The following ZFAND6 variants were observed in gnomAD, a reference collection of about 807,000 sequenced individuals.
ZFAND6 encodes AN1-type zinc finger protein 6.
Under a neutral mutation model 24.5 loss-of-function variants are expected in ZFAND6, and 12 were observed. The observed-to-expected ratio is 0.49, with a 90% CI of 0.31 to 0.79. The LOEUF is 0.79. Ranked by LOEUF, ZFAND6 falls within the 30% of genes least tolerant of loss-of-function variation. The pLI, the probability that ZFAND6 is intolerant of heterozygous loss-of-function variation, is 0.04. For synonymous variants in ZFAND6, 92 were observed against 81.5 expected, an observed-to-expected ratio of 1.13 and a Z score of -0.69; for missense variants, 207 against 245.9, an observed-to-expected ratio of 0.84 and a Z score of 1.06.
chr15:80,069,042 A>C (rs2036825367), intron 1 of ZFAND6, among the ~76,000 whole-genome samples: 1 of 152,238 alleles, frequency 6.6e-6, no homozygotes, highest in Non-Finnish European at 1.5e-5. Flanking sequence ...TGACTGATTA[A>C]AATGGTTGAG....
At chr15:80,071,046 C>T (rs1054303000) in intron 1 of ZFAND6, among the ~76,000 whole-genome samples, 3 of 152,156 alleles carry the variant, frequency 2.0e-5, no homozygotes, top group Non-Finnish European at 4.4e-5. Context: ...TGAATTGGCT[C>T]TTTCAATTTG....
At chr15:80,068,240 C>T (rs1315699560) in intron 1 of ZFAND6, among the ~76,000 whole-genome samples, 1 of 151,728 alleles carries the variant, frequency 6.6e-6, no homozygotes, top group Non-Finnish European at 1.5e-5. Flanking sequence ...CTCAACCTCC[C>T]TGGCTCAAGG....
chr15:80,123,508 C>T (rs2040237667), intron 5 of ZFAND6, among the ~76,000 whole-genome samples: 1 of 152,182 alleles, frequency 6.6e-6, no homozygotes, highest in South Asian at 2.1e-4. Context: ...AGCAGTGTGT[C>T]ATTCTGCCTG....
At chr15:80,092,911 C>T (rs1015875080) in intron 1 of ZFAND6, among the ~76,000 whole-genome samples, 2 of 151,634 alleles carry the variant, frequency 1.3e-5, no homozygotes, top group Admixed American at 1.3e-4. Flanking sequence ...ACCCAATTTA[C>T]TGTAAGTTAA....
At chr15:80,089,258 T>TG (rs2038192160) in intron 1 of ZFAND6, among the ~76,000 whole-genome samples, 2 of 112,890 alleles carry the variant, frequency 1.8e-5, no homozygotes, top group Non-Finnish European at 3.8e-5. Flanking sequence ...TGAGTGTGTG[T>TG]GTTTTTTTTT....
intron 2 of ZFAND6, chr15:80,112,958 AC>A (rs1385765227): frequency 1.4e-5 from 6 of 432,670 alleles, no homozygotes; most frequent in African/African-American, 1.2e-4. Flanking sequence ...AAGAGAATTC[AC>A]CCATTCTGAG....
At chr15:80,059,982 C>T (rs2036232648) in intron 1 of ZFAND6, among the ~76,000 whole-genome samples, 173 bp downstream of exon 1, 2 of 151,070 alleles carry the variant, frequency 1.3e-5, no homozygotes, top group Non-Finnish European at 3.0e-5. Context: ...CCCGCGGGGG[C>T]CGCGGGCGAG....
At position 80,122,764 on chromosome 15, in the gene ZFAND6, G is replaced by A. The variant is rs1290619098; in HGVS notation, c.328G>A (p.Val110Met). Reference sequence around the variant, plus strand: ...ATCTTCTCAATTGGACAGTACATCTGTGGACAAAGCAGTACCTGAAACAGA... The same window carrying A: ...ATCTTCTCAATTGGACAGTACATCTATGGACAAAGCAGTACCTGAAACAGA... ...VASSQLDSTS[V>M]DKAVPETEDV... Residue 110 changes from valine to methionine, a missense_variant, in exon 5 of 7, where the codon GTG becomes ATG. Transcript: ENST00000261749. The A allele has an allele frequency of 6.2e-7, 1 of 1,613,596 alleles. No individual in the cohort carries two copies. The highest frequency in any genetic ancestry group is 2.2e-5 in the East Asian group (1 of 44,800).
intron 1 of ZFAND6, among the ~76,000 whole-genome samples, chr15:80,096,999 ATT>A (rs766620204): frequency 1.2e-4 from 16 of 138,700 alleles, no homozygotes; most frequent in African/African-American, 8.0e-5. Context: ...AATGTGTTAG[ATT>A]TTTTTTTTTT....
intron 1 of ZFAND6, among the ~76,000 whole-genome samples, chr15:80,089,657 CACTTGTATAG>C (rs1009591841): frequency 2.0e-5 from 3 of 152,152 alleles, no homozygotes; most frequent in African/African-American, 7.2e-5. Context: ...GATTGATGAT[CACTTGTATAG>C]ACTCCATTGC....
intron 1 of ZFAND6, among the ~76,000 whole-genome samples, chr15:80,093,972 C>T (rs2141911545): frequency 6.6e-6 from 1 of 151,650 alleles, no homozygotes; most frequent in East Asian, 1.9e-4. Flanking sequence ...TGTCATTTGG[C>T]ACTTACATTT....
At chr15:80,117,604 G>C (rs962869949) in intron 2 of ZFAND6, among the ~76,000 whole-genome samples, 2 of 152,180 alleles carry the variant, frequency 1.3e-5, no homozygotes, top group African/African-American at 2.4e-5. Context: ...AGTTCAGTCA[G>C]CTCACAACTC....
intron 1 of ZFAND6, among the ~76,000 whole-genome samples, chr15:80,096,519 T>G (rs1305357377): frequency 6.6e-6 from 1 of 152,238 alleles, no homozygotes; most frequent in African/African-American, 2.4e-5. Flanking sequence ...AGAGAAACAT[T>G]TGAGTTACTT....
chr15:80,091,616 A>G (rs2038378314), intron 1 of ZFAND6, among the ~76,000 whole-genome samples: 1 of 148,984 alleles, frequency 6.7e-6, no homozygotes, highest in South Asian at 2.2e-4. Flanking sequence ...ACAGATACAA[A>G]TTTTTAATAT....
intron 1 of ZFAND6, among the ~76,000 whole-genome samples, 168 bp downstream of exon 1, chr15:80,059,977 G>C (rs1347771478): frequency 6.6e-6 from 1 of 150,888 alleles, no homozygotes; most frequent in Non-Finnish European, 1.5e-5. Context: ...GTGGGCCCGC[G>C]GGGGCCGCGG....
At chr15:80,101,729 A>T (rs978938332) in intron 2 of ZFAND6, among the ~76,000 whole-genome samples, 7 of 152,056 alleles carry the variant, frequency 4.6e-5, no homozygotes, top group Non-Finnish European at 1.0e-4. Context: ...AGGAAGCAAA[A>T]AATATTTCTT....
chr15:80,073,412 A>G (rs2037087673), intron 1 of ZFAND6: 1 of 214,016 alleles, frequency 4.7e-6, no homozygotes, highest in South Asian at 5.0e-5. Context: ...GTATTTCAGT[A>G]CAAGAATATT....
intron 1 of ZFAND6, chr15:80,060,221 C>T (rs540612829): frequency 1.3e-5 from 2 of 152,180 alleles, no homozygotes; most frequent in South Asian, 2.1e-4. Flanking sequence ...TGGGGCGCGT[C>T]AGTTCCCCGC....
intron 2 of ZFAND6, among the ~76,000 whole-genome samples, chr15:80,118,669 T>C (rs1032563307): frequency 3.9e-5 from 6 of 152,132 alleles, no homozygotes; most frequent in African/African-American, 1.4e-4. Context: ...GATTCTGAAA[T>C]GACTTGTCAT....
Sources: gnomAD v4.1 joint callset for allele counts (sites outside exome capture counted in the v4.1 genomes callset) on GRCh38, gnomAD v4.1.1 for gene constraint, MANE v1.5 for transcripts, NCBI Gene and HGNC (gene_info 2026-07-23, HGNC 2026-07-21) for gene names.